UBAP1: variants seen among roughly 807,000 people sequenced by gnomAD.
The protein encoded by UBAP1 is ubiquitin-associated protein 1.
A neutral mutation model predicts 39.0 loss-of-function variants in UBAP1; 5 were observed. The ratio of observed to expected loss-of-function variants is 0.13; its 90% CI spans 0.07 to 0.27. The LOEUF is 0.27. Ranked by LOEUF, UBAP1 falls within the 10% of genes least tolerant of loss-of-function variation. The pLI, the probability that UBAP1 is intolerant of heterozygous loss-of-function variation, is 1.00. For missense variants in UBAP1, 490 were observed against 608.1 expected, an observed-to-expected ratio of 0.81 and a Z score of 2.04; for synonymous variants, 211 against 225.1, an observed-to-expected ratio of 0.94 and a Z score of 0.56.
At chr9:34,190,853 G>A (rs1230961334) in intron 1 of UBAP1, among the ~76,000 whole-genome samples, 1 of 131,702 alleles carries the variant, frequency 7.6e-6, no homozygotes, top group Non-Finnish European at 1.6e-5. Context: ...TCATCATGTT[G>A]CACAGGCTGG....
intron 1 of UBAP1, among the ~76,000 whole-genome samples, chr9:34,210,415 C>G (rs945199762): frequency 6.6e-6 from 1 of 152,156 alleles, no homozygotes; most frequent in African/African-American, 2.4e-5. Flanking sequence ...CTATTCTGTT[C>G]AAATAAAAAT....
At chr9:34,224,179 T>A (rs1832917175) in intron 2 of UBAP1, 1 of 565,746 alleles carries the variant, frequency 1.8e-6, no homozygotes, top group East Asian at 3.1e-5. Context: ...TCTTCTGAAA[T>A]TTTTTAGATC....
At chr9:34,229,164 A>G (rs1833273209) in intron 2 of UBAP1, among the ~76,000 whole-genome samples, 1 of 152,020 alleles carries the variant, frequency 6.6e-6, no homozygotes. Flanking sequence ...ACCTAGTTTC[A>G]TTTATAGAAT....
At chr9:34,199,062 G>A (rs973145166) in intron 1 of UBAP1, among the ~76,000 whole-genome samples, 6 of 152,064 alleles carry the variant, frequency 3.9e-5, no homozygotes, top group African/African-American at 1.2e-4. Flanking sequence ...CATGTTCTTG[G>A]ACTCTTTTTT....
chr9:34,249,003 C>T (rs1834325817), intron 4 of UBAP1, among the ~76,000 whole-genome samples: 1 of 152,088 alleles, frequency 6.6e-6, no homozygotes, highest in Non-Finnish European at 1.5e-5. Context: ...GAGTTAATCA[C>T]GGCACTCTGT....
intron 2 of UBAP1, among the ~76,000 whole-genome samples, chr9:34,233,211 T>C (rs1329934999): frequency 7.1e-6 from 1 of 140,410 alleles, no homozygotes; most frequent in African/African-American, 2.6e-5. Context: ...TAAGCTAGAG[T>C]AATTCTTTCT....
chr9:34,209,334 A>G (rs1831892995), intron 1 of UBAP1, among the ~76,000 whole-genome samples: 1 of 152,200 alleles, frequency 6.6e-6, no homozygotes, highest in Admixed American at 6.5e-5. Context: ...TGGGTATTTT[A>G]AAAAGTGTGT....
intron 6 of UBAP1, 117 bp downstream of exon 6, chr9:34,250,876 A>G: frequency 1.2e-6 from 1 of 816,898 alleles, no homozygotes; most frequent in African/African-American, 1.7e-5. Flanking sequence ...CTACAGGTAC[A>G]AGTATTTGAA....
At chr9:34,225,161 C>T (rs1832977470) in intron 2 of UBAP1, among the ~76,000 whole-genome samples, 1 of 152,132 alleles carries the variant, frequency 6.6e-6, no homozygotes, top group Non-Finnish European at 1.5e-5. Flanking sequence ...TTTTCTGTGG[C>T]ACTTGGGGTG....
At chr9:34,226,247 T>C (rs1193808871) in intron 2 of UBAP1, among the ~76,000 whole-genome samples, 1 of 149,560 alleles carries the variant, frequency 6.7e-6, no homozygotes, top group African/African-American at 2.5e-5. Flanking sequence ...TTTTTTTTTT[T>C]GAGATGGAGT....
intron 2 of UBAP1, among the ~76,000 whole-genome samples, chr9:34,222,258 C>T (rs183014266): frequency 1.4e-4 from 21 of 152,198 alleles, no homozygotes; most frequent in African/African-American, 3.9e-4. Context: ...AGTGGTGTAG[C>T]GGTGATTGTG....
intron 1 of UBAP1, 31 bp from the exon 2 acceptor site, chr9:34,220,877 T>C (rs1465632266): frequency 1.2e-6 from 2 of 1,608,126 alleles, no homozygotes; most frequent in South Asian, 1.1e-5. Context: ...CAAGGTATAA[T>C]GTGCCTAAGA....
intron 3 of UBAP1, among the ~76,000 whole-genome samples, chr9:34,235,207 A>T (rs1002417559): frequency 1.3e-5 from 2 of 152,176 alleles, no homozygotes; most frequent in Non-Finnish European, 2.9e-5. Context: ...TAAAAAAGTT[A>T]AAAAAATTTA....
chr9:34,183,548 G>A (rs1830206576), intron 1 of UBAP1, among the ~76,000 whole-genome samples: 1 of 130,436 alleles, frequency 7.7e-6, no homozygotes, highest in Non-Finnish European at 1.6e-5. Context: ...GCGAGACTCC[G>A]TCTCAAAAAA....
chr9:34,206,509 CA>C (rs773775155), intron 1 of UBAP1, among the ~76,000 whole-genome samples: 1 of 146,962 alleles, frequency 6.8e-6, no homozygotes, highest in Non-Finnish European at 1.5e-5. Context: ...GACCCTGTCT[CA>C]AAAAAAAGAA....
At chr9:34,186,584 G>C (rs540126458) in intron 1 of UBAP1, among the ~76,000 whole-genome samples, 15 of 151,704 alleles carry the variant, frequency 9.9e-5, no homozygotes, top group African/African-American at 3.2e-4. Context: ...GTTTGAAATT[G>C]TATCTATAGT....
chr9:34,225,125 T>C (rs1439680042), intron 2 of UBAP1, among the ~76,000 whole-genome samples: 3 of 152,176 alleles, frequency 2.0e-5, no homozygotes, highest in African/African-American at 4.8e-5. Context: ...GACTGATCCA[T>C]TGAGAGGTTA....
chr9:34,228,417 CAA>C (rs1182740329), intron 2 of UBAP1, among the ~76,000 whole-genome samples: 9 of 56,154 alleles, frequency 1.6e-4, no homozygotes, highest in Non-Finnish European at 1.9e-4. Flanking sequence ...GACTTCATCT[CAA>C]AAAAAAAAAA....
At chr9:34,190,488 C>A (rs539300084) in intron 1 of UBAP1, among the ~76,000 whole-genome samples, 5 of 150,760 alleles carry the variant, frequency 3.3e-5, no homozygotes, top group Admixed American at 6.6e-5. Flanking sequence ...TGGGGTTTCA[C>A]CATGTTGGCC....
Sources: allele counts gnomAD v4.1 joint callset (sites outside exome capture counted in the v4.1 genomes callset), GRCh38; gene constraint gnomAD v4.1.1; transcripts MANE v1.5; gene names NCBI Gene and HGNC (gene_info 2026-07-23, HGNC 2026-07-21).